The following ZFHX3 variants were observed in gnomAD, a reference collection of about 807,000 sequenced individuals.
ZFHX3 encodes zinc finger homeobox protein 3.
Under a neutral mutation model 279.1 loss-of-function variants are expected in ZFHX3, and 42 were observed. The ratio of observed to expected loss-of-function variants is 0.15; its 90% CI spans 0.12 to 0.19. The LOEUF (loss-of-function observed/expected upper bound fraction) is 0.19, where lower values mean the gene tolerates loss of function less well. ZFHX3 is among the 10% of genes least tolerant of loss of function. ZFHX3 has a pLI of 1.00. For synonymous variants in ZFHX3, 2,293 were observed against 1,957.8 expected (o/e 1.17, Z -4.52); for missense variants, 4,981 against 4,754.0 (o/e 1.05, Z -1.40).
At chr16:73,294,126 G>T (rs1688762168) in intron 4 of ZFHX3, 1 of 151,858 alleles carries the variant, frequency 6.6e-6, no homozygotes, top group South Asian at 2.1e-4. Context: ...AGCTTGTTGT[G>T]TTGGGATATT....
At chr16:72,844,697 G>A (rs1159541500) in intron 4 of ZFHX3, among the ~76,000 whole-genome samples, 1 of 152,134 alleles carries the variant, frequency 6.6e-6, no homozygotes, top group African/African-American at 2.4e-5. Context: ...TTGGCTTAGA[G>A]GTCGTTAAAC....
chr16:73,058,329 G>A (rs929055240), intron 1 of ZFHX3, among the ~76,000 whole-genome samples: 129 of 148,220 alleles, frequency 8.7e-4, no homozygotes, highest in Middle Eastern at 3.4e-3. Context: ...GCGGGACGCA[G>A]CGAGCGAGCA....
chr16:73,662,409 T>G (rs1004644118), intron 2 of ZFHX3, among the ~76,000 whole-genome samples: 1 of 152,180 alleles, frequency 6.6e-6, no homozygotes, highest in African/African-American at 2.4e-5. Context: ...TGGATATCTC[T>G]TACCTTGACG....
intron 7 of ZFHX3, among the ~76,000 whole-genome samples, chr16:73,105,878 T>C (rs1453436718): frequency 1.3e-5 from 2 of 152,052 alleles, no homozygotes; most frequent in Non-Finnish European, 2.9e-5. Flanking sequence ...TTCCTTTAGA[T>C]CCAGCTTTTC....
At chr16:73,187,852 G>A (rs186089528) in intron 5 of ZFHX3, among the ~76,000 whole-genome samples, 41 of 152,294 alleles carry the variant, frequency 2.7e-4, no homozygotes, top group Middle Eastern at 3.4e-3. Flanking sequence ...GCTTTATAAT[G>A]CAAAAGTTTG....
chr16:73,847,680 G>C (rs1961483280), intron 1 of ZFHX3, among the ~76,000 whole-genome samples: 1 of 152,016 alleles, frequency 6.6e-6, no homozygotes. Context: ...GATTAAATTT[G>C]ACAATGTATA....
intron 3 of ZFHX3, among the ~76,000 whole-genome samples, chr16:72,896,759 GATAGGAA>G (rs2038911491): frequency 6.6e-6 from 1 of 152,148 alleles, no homozygotes; most frequent in South Asian, 2.1e-4. Flanking sequence ...CCTCCCCAAC[GATAGGAA>G]ACTTCTAACA....
At chr16:73,110,982 C>T (rs1966365928) in intron 7 of ZFHX3, among the ~76,000 whole-genome samples, 1 of 152,190 alleles carries the variant, frequency 6.6e-6, no homozygotes, top group South Asian at 2.1e-4. Flanking sequence ...ACTCTGTTGC[C>T]CAGGCCAGAG....
At chr16:72,790,422 T>A (rs1597229858) in intron 9 of ZFHX3, 1 of 152,048 alleles carries the variant, frequency 6.6e-6, no homozygotes, top group East Asian at 1.9e-4. Flanking sequence ...GGGAAGGAGT[T>A]CCATAACATG....
chr16:73,288,756 G>C (rs1379139265), intron 4 of ZFHX3, among the ~76,000 whole-genome samples: 2 of 152,038 alleles, frequency 1.3e-5, no homozygotes, highest in African/African-American at 4.8e-5. Context: ...TATGTCTTCA[G>C]TGCATTACGG....
intron 1 of ZFHX3, among the ~76,000 whole-genome samples, chr16:73,735,909 T>TGTTTGTTTGCTTG (rs1567565769): frequency 6.8e-6 from 1 of 148,132 alleles, no homozygotes; most frequent in African/African-American, 2.6e-5. Context: ...TTTTTTTTTT[T>TGTTTGTTTGCTTG]TTTTTTTAAT....
At chr16:72,884,409 A>C (rs2038571819) in intron 4 of ZFHX3, among the ~76,000 whole-genome samples, 1 of 152,218 alleles carries the variant, frequency 6.6e-6, no homozygotes, top group South Asian at 2.1e-4. Context: ...TCCGGGTCCA[A>C]TTATTTCCAA....
In ZFHX3 at chr16:72,903,512, G is replaced by A. The variant is rs78194039; in HGVS notation, c.3217-13550C>T. On this transcript the variant is annotated intron_variant, in intron 3 of 9. Transcript: ENST00000268489. ...ACATGGAGTTGGACCTTTCTGGATC[G>A]GAAATAGTCCAGATGCCCAAGATAT... Among the ~76,000 whole-genome samples the A allele has an allele frequency of 1.4e-3, 210 of 152,234 alleles. 2 individuals carry two copies. Among genetic ancestry groups the A allele is most frequent in the African/African-American group, 4.7e-3 (197 of 41,530 alleles).
At chr16:73,761,035 G>A (rs117502283) in intron 1 of ZFHX3, among the ~76,000 whole-genome samples, 1,781 of 151,658 alleles carry the variant, frequency 0.012, 16 homozygotes, top group South Asian at 0.026. Context: ...GAAGAGAGGA[G>A]GTCAAATTGT....
chr16:73,294,103 A>G (rs1289436605), intron 4 of ZFHX3: 1 of 150,644 alleles, frequency 6.6e-6, no homozygotes, highest in South Asian at 2.1e-4. Context: ...TTCGATTATG[A>G]TTTTAGTGAC....
chr16:73,033,915 C>CTCTGAAAGCA (rs751551759), intron 1 of ZFHX3, among the ~76,000 whole-genome samples: 5 of 152,172 alleles, frequency 3.3e-5, no homozygotes, highest in African/African-American at 1.2e-4. Flanking sequence ...TTCCCGGCCG[C>CTCTGAAAGCA]TCTGAAAGCA....
At chr16:73,405,725 A>C (rs1203392846) in intron 3 of ZFHX3, among the ~76,000 whole-genome samples, 1 of 152,202 alleles carries the variant, frequency 6.6e-6, no homozygotes, top group Non-Finnish European at 1.5e-5. Flanking sequence ...ACCATAAAAA[A>C]GACATTAAAT....
intron 1 of ZFHX3, among the ~76,000 whole-genome samples, chr16:73,752,319 C>T (rs1160865821): frequency 6.6e-6 from 1 of 152,168 alleles, no homozygotes; most frequent in Non-Finnish European, 1.5e-5. Flanking sequence ...GATCTATTTA[C>T]TGTCCCAGTC....
intron 1 of ZFHX3, among the ~76,000 whole-genome samples, chr16:73,707,246 A>C (rs574969799): frequency 6.6e-6 from 1 of 152,274 alleles, no homozygotes; most frequent in South Asian, 2.1e-4. Context: ...ACTTGGAGCC[A>C]AGCAAAACAT....
Sources: allele counts gnomAD v4.1 joint callset (sites outside exome capture counted in the v4.1 genomes callset), GRCh38; gene constraint gnomAD v4.1.1; transcripts MANE v1.5; gene names NCBI Gene and HGNC (gene_info 2026-07-23, HGNC 2026-07-21).